AFF3: variants seen among roughly 807,000 people sequenced by gnomAD.
AFF3 encodes the protein ALF transcription elongation factor 3.
In AFF3, 32 loss-of-function variants were observed where a neutral mutation model predicts 129.7. The observed-to-expected ratio is 0.25, with a 90% CI of 0.19 to 0.33. The LOEUF (loss-of-function observed/expected upper bound fraction) is 0.33. Ranked by LOEUF, AFF3 falls within the 10% of genes least tolerant of loss-of-function variation. The pLI is 1.00. For missense variants in AFF3, 1,373 were observed against 1,592.0 expected (o/e 0.86, Z 2.34); for synonymous variants, 644 against 635.4 (o/e 1.01, Z -0.20).
At chr2:99,584,186 G>A (rs1457297501) in intron 16 of AFF3, among the ~76,000 whole-genome samples, 1 of 152,142 alleles carries the variant, frequency 6.6e-6, no homozygotes, top group Non-Finnish European at 1.5e-5. Context: ...GTGAGTAGGA[G>A]GCCGGGTGTG....
chr2:99,641,962 G>T (rs1267842613), intron 13 of AFF3, among the ~76,000 whole-genome samples: 1 of 152,124 alleles, frequency 6.6e-6, no homozygotes, highest in Non-Finnish European at 1.5e-5. Context: ...TGGAATCCTT[G>T]GGTAATGAAT....
At chr2:100,050,094 C>T (rs1370662425) in intron 4 of AFF3, among the ~76,000 whole-genome samples, 3 of 151,750 alleles carry the variant, frequency 2.0e-5, no homozygotes, top group African/African-American at 4.8e-5. Context: ...CGCCTGTAGT[C>T]CCAGCTACTT....
intron 13 of AFF3, among the ~76,000 whole-genome samples, chr2:99,626,301 A>G (rs1012349687): frequency 5.4e-5 from 8 of 149,000 alleles, no homozygotes; most frequent in African/African-American, 2.0e-4. Flanking sequence ...ATTCCTTTGG[A>G]AAGTCTGCCT....
chr2:99,594,221 A>C lies in AFF3; in HGVS notation c.1440T>G (p.Pro480=). The C allele has an allele frequency of 1.2e-6, 2 of 1,613,802 alleles. No homozygotes were observed. The highest frequency in any genetic ancestry group is 1.7e-6 in the Non-Finnish European group (2 of 1,179,852). The change falls in exon 15 of 25, where the codon CCT becomes CCG. Residue 480 remains proline (P), a synonymous_variant. Transcript: ENST00000672756. ...GGCTTTCATTTTGGATCAGAATAGG[A>C]GGCTTGTGGGGATTAACTTTGTTTA... ...KWLNKVNPHK[P]PILIQNESHG...
chr2:99,594,283 G>A lies in AFF3; in HGVS notation c.1378C>T (p.Pro460Ser), dbSNP rs778038652. The change falls in exon 15 of 25, where the codon CCG becomes TCG. Residue 460 changes from proline to serine, a missense_variant. This residue lies in a region of AFF3 where 413 missense variants were observed against 424.4 expected (regional missense o/e 0.97). Coordinates refer to ENST00000672756, the MANE Select transcript of AFF3 (RefSeq NM_001386135.1). ...PPHFSSPEAE[P>S]ASSNKWQLDK... ...AGCTGCCACTTGTTAGAGGATGCCG[G>A]TTCAGCCTGAAAGCAGAAAACCGGT... 3 of 1,603,574 alleles carry A rather than the reference G, an allele frequency of 1.9e-6. No homozygotes were observed. Among genetic ancestry groups the A allele is most frequent in the South Asian group, 2.2e-5 (2 of 90,086 alleles).
At chr2:99,746,970 G>GA (rs1206464111) in intron 9 of AFF3, among the ~76,000 whole-genome samples, 2 of 150,384 alleles carry the variant, frequency 1.3e-5, no homozygotes, top group African/African-American at 4.9e-5. Flanking sequence ...AAAAAAGAAA[G>GA]GAAAAAAAGA....
intron 4 of AFF3, among the ~76,000 whole-genome samples, chr2:100,103,589 G>C (rs563227764): frequency 6.6e-6 from 1 of 151,752 alleles, no homozygotes; most frequent in Non-Finnish European, 1.5e-5. Context: ...TAAGACACCC[G>C]CAACTGGAAT....
intron 11 of AFF3, chr2:99,707,078 T>A (rs1003779034): frequency 4.0e-5 from 39 of 984,110 alleles, no homozygotes; most frequent in Non-Finnish European, 4.7e-5. Flanking sequence ...ACCGAAGATA[T>A]AATAGTACAA....
At chr2:99,672,205 CACACACACACACACACACACACACACAT>C (rs747616354) in intron 12 of AFF3, among the ~76,000 whole-genome samples, 11,486 of 50,424 alleles carry the variant, frequency 0.23, 753 homozygotes, top group Admixed American at 0.35. Flanking sequence ...CACACACACA[CACACACACACACACACACACACACACAT>C]GAATAAATAA....
intron 22 of AFF3, among the ~76,000 whole-genome samples, chr2:99,557,735 A>G (rs926801516): frequency 1.3e-5 from 2 of 152,202 alleles, no homozygotes; most frequent in African/African-American, 4.8e-5. Context: ...TCCATGGCCT[A>G]GCACCTGGTT....
chr2:99,812,884 GTTA>G (rs1283272018), intron 8 of AFF3, among the ~76,000 whole-genome samples: 1 of 152,054 alleles, frequency 6.6e-6, no homozygotes, highest in African/African-American at 2.4e-5. Context: ...AACAAATCGT[GTTA>G]TTATTAATGC....
chr2:99,949,625 A>G (rs1299267245), intron 7 of AFF3, among the ~76,000 whole-genome samples: 1 of 152,082 alleles, frequency 6.6e-6, no homozygotes, highest in East Asian at 1.9e-4. Context: ...TCCCATAAGG[A>G]GAAATCTAGA....
At position 99,554,696 on chromosome 2, in the gene AFF3, C is replaced by G. The variant is rs542558981; in HGVS notation, c.3322G>C (p.Gly1108Arg). Reference sequence around the variant, plus strand: ...AAGCGAACTTACTTTCCACTGGCCCCCCACGGAGATGGGGCTTGGGCGGCT... The same window carrying G: ...AAGCGAACTTACTTTCCACTGGCCCGCCACGGAGATGGGGCTTGGGCGGCT... ...SKAAQAPSPW[G>R]ASGKSTGTPS... The change falls in exon 23 of 25, where the codon GGG becomes CGG. Residue 1108 changes from glycine (G) to arginine (R), a missense_variant. This residue lies in a region of AFF3 where 165 missense variants were observed against 234.0 expected (regional missense o/e 0.71). Coordinates refer to ENST00000672756, the MANE Select transcript of AFF3 (RefSeq NM_001386135.1). 4.2e-5 allele frequency: 68 copies of G among 1,614,188 alleles called. No individual in the cohort carries two copies. The highest frequency in any genetic ancestry group is 2.3e-4 in the South Asian group (21 of 91,080).
At chr2:99,678,543 T>C (rs1328557582) in intron 11 of AFF3, among the ~76,000 whole-genome samples, 1 of 152,236 alleles carries the variant, frequency 6.6e-6, no homozygotes, top group African/African-American at 2.4e-5. Flanking sequence ...CCTTAACAGA[T>C]CGGAATCCTT....
intron 7 of AFF3, among the ~76,000 whole-genome samples, chr2:99,908,051 G>T (rs562366902): frequency 1.1e-4 from 17 of 152,210 alleles, no homozygotes; most frequent in African/African-American, 4.1e-4. Flanking sequence ...GCTTATGCTT[G>T]CCCAACTTTC....
intron 16 of AFF3, among the ~76,000 whole-genome samples, chr2:99,586,202 T>A (rs909698266): frequency 2.6e-5 from 4 of 152,218 alleles, no homozygotes; most frequent in African/African-American, 9.6e-5. Flanking sequence ...TTTTCCCCAT[T>A]TCCCCTTTCC....
intron 4 of AFF3, among the ~76,000 whole-genome samples, chr2:100,062,729 A>C (rs1687391630): frequency 6.6e-6 from 1 of 152,224 alleles, no homozygotes; most frequent in Non-Finnish European, 1.5e-5. Context: ...CTTAGGCCCC[A>C]AGACTTTTTC....
Position 99,705,077 on chromosome 2 carries a change from AC to A in AFF3, c.1091+21999del, listed in dbSNP as rs1209130583. ...ATAGTAGGATGGCAGCAAAGAATAGACGGTTCGAAGAAGGCCTTGTCAATGG... is the reference window on the plus strand; with the variant it reads ...ATAGTAGGATGGCAGCAAAGAATAGAGGTTCGAAGAAGGCCTTGTCAATGG... On this transcript the variant is annotated intron_variant, in intron 11 of 24. Transcript: ENST00000672756. 5.3e-5 allele frequency among the ~76,000 whole-genome samples: 8 copies of A among 152,310 alleles called. No individual in the cohort carries two copies. In the East Asian group the frequency reaches 1.5e-3, roughly 29 times the overall value.
At chr2:99,873,064 G>C (rs1692002133) in intron 7 of AFF3, among the ~76,000 whole-genome samples, 1 of 152,196 alleles carries the variant, frequency 6.6e-6, no homozygotes, top group Non-Finnish European at 1.5e-5. Flanking sequence ...AAGTGAAATA[G>C]TGTTTCGTGA....
Sources: gnomAD v4.1 joint callset for allele counts (sites outside exome capture counted in the v4.1 genomes callset) on GRCh38, gnomAD v4.1.1 for gene constraint, gnomAD v4.1.1 regional missense constraint, MANE v1.5 for transcripts, NCBI Gene and HGNC (gene_info 2026-07-23, HGNC 2026-07-21) for gene names.